LRP1B: variants seen among roughly 807,000 people sequenced by gnomAD.
LRP1B encodes the protein low-density lipoprotein receptor-related protein 1B.
LRP1B carries 217 observed loss-of-function variants against 556.6 expected under a neutral mutation model. The ratio of observed to expected loss-of-function variants is 0.39; its 90% CI spans 0.35 to 0.44. The LOEUF (loss-of-function observed/expected upper bound fraction) is 0.44. Among genes scored for constraint, LRP1B ranks in the 20% least tolerant of loss-of-function variants. The probability of loss-of-function intolerance (pLI) is 1.00; values close to 1 mark genes in which losing one functional copy is unlikely to be tolerated. For synonymous variants in LRP1B, 2,047 were observed against 1,865.8 expected, an observed-to-expected ratio of 1.10 and a Z score of -2.50; for missense variants, 5,053 against 5,620.8, an observed-to-expected ratio of 0.90 and a Z score of 3.23.
At chr2:141,619,806 C>T (rs1394036404) in intron 2 of LRP1B, among the ~76,000 whole-genome samples, 1 of 151,840 alleles carries the variant, frequency 6.6e-6, no homozygotes, top group Non-Finnish European at 1.5e-5. Flanking sequence ...TTATTTATCT[C>T]TTAAGGAAGC....
At chr2:141,371,000 TGAGATG>T (rs1029655569) in intron 3 of LRP1B, among the ~76,000 whole-genome samples, 7 of 152,182 alleles carry the variant, frequency 4.6e-5, no homozygotes, top group Non-Finnish European at 8.8e-5. Flanking sequence ...TTCTTTCTTT[TGAGATG>T]GAGTTTCGCT....
intron 35 of LRP1B, among the ~76,000 whole-genome samples, chr2:140,742,445 A>G (rs1490166433): frequency 1.3e-5 from 2 of 152,224 alleles, no homozygotes; most frequent in African/African-American, 2.4e-5. Flanking sequence ...AATAAATAGT[A>G]GTGAGATATA....
intron 1 of LRP1B, among the ~76,000 whole-genome samples, chr2:141,850,622 C>CTGTGTGTGTGTGTGTG (rs70994458): frequency 1.7e-3 from 236 of 141,172 alleles, no homozygotes; most frequent in African/African-American, 5.3e-3. Context: ...AGCATAAACT[C>CTGTGTGTGTGTGTGTG]TGTGTGTGTG....
intron 84 of LRP1B, among the ~76,000 whole-genome samples, chr2:140,285,412 T>G (rs147742950): frequency 0.016 from 2,398 of 150,278 alleles, 23 homozygotes; most frequent in African/African-American, 0.028. Context: ...GAGAGAGAGA[T>G]ATTTCTACAC....
intron 1 of LRP1B, among the ~76,000 whole-genome samples, chr2:141,948,063 C>T (rs575580103): frequency 2.0e-5 from 3 of 152,048 alleles, no homozygotes; most frequent in South Asian, 4.2e-4. Context: ...TTTGTGAGGC[C>T]GCCGTGGGCA....
intron 41 of LRP1B, among the ~76,000 whole-genome samples, chr2:140,635,631 C>A (rs1040473151): frequency 2.0e-5 from 3 of 151,882 alleles, no homozygotes. Context: ...ATTGGTTCAT[C>A]TGTACTCTGA....
At chr2:140,876,759 T>C (rs1025142351) in intron 25 of LRP1B, among the ~76,000 whole-genome samples, 30 of 152,298 alleles carry the variant, frequency 2.0e-4, no homozygotes, top group East Asian at 5.8e-4. Context: ...ATTCCTTCTA[T>C]GGAACAAAAT....
In LRP1B at chr2:141,143,221, A is replaced by T. The variant is rs567603714; in HGVS notation, c.1013+45200T>A. Among the ~76,000 whole-genome samples, 17 of 152,086 alleles carry T rather than the reference A, an allele frequency of 1.1e-4. No individual in the cohort carries two copies. In the South Asian group the frequency reaches 3.5e-3, roughly 32 times the overall value. On this transcript the variant is annotated intron_variant, in intron 7 of 90. Coordinates refer to ENST00000389484, the MANE Select transcript of LRP1B (RefSeq NM_018557.3). Reference sequence around the variant, plus strand: ...TGGGATTACAGGCGTGAGCCACCGCACCCAGAGATCATCTGATTCTTTATC... The same window carrying T: ...TGGGATTACAGGCGTGAGCCACCGCTCCCAGAGATCATCTGATTCTTTATC...
chr2:141,977,239 ATGTT>A (rs1405776867), intron 1 of LRP1B, among the ~76,000 whole-genome samples: 2 of 152,114 alleles, frequency 1.3e-5, no homozygotes, highest in Non-Finnish European at 2.9e-5. Context: ...ATATTCATTT[ATGTT>A]TACTAGCATC....
At chr2:141,198,996 A>G (rs1367134652) in intron 6 of LRP1B, among the ~76,000 whole-genome samples, 1 of 152,164 alleles carries the variant, frequency 6.6e-6, no homozygotes, top group Non-Finnish European at 1.5e-5. Flanking sequence ...AATAGTTTCT[A>G]TAACTGCTCT....
intron 67 of LRP1B, among the ~76,000 whole-genome samples, chr2:140,379,997 A>G (rs1187281662): frequency 6.6e-6 from 1 of 152,144 alleles, no homozygotes; most frequent in African/African-American, 2.4e-5. Context: ...TAATACTAAT[A>G]TTTATTATAA....
At chr2:140,250,943 C>T (rs775244414) in intron 86 of LRP1B, among the ~76,000 whole-genome samples, 1 of 151,352 alleles carries the variant, frequency 6.6e-6, no homozygotes, top group South Asian at 2.1e-4. Context: ...AAATAAGCTA[C>T]GTAGAAGTTC....
intron 7 of LRP1B, among the ~76,000 whole-genome samples, chr2:141,131,166 A>AG (rs536707417): frequency 0.034 from 5,171 of 152,078 alleles, 32 homozygotes; most frequent in East Asian, 0.15. Context: ...TAGTACAGAT[A>AG]GTCTCCACTT....
At chr2:140,733,409 G>A (rs1006618283) in intron 35 of LRP1B, among the ~76,000 whole-genome samples, 1 of 152,074 alleles carries the variant, frequency 6.6e-6, no homozygotes, top group Non-Finnish European at 1.5e-5. Context: ...AGAAAGCTGT[G>A]TATAAGAAAG....
intron 7 of LRP1B, among the ~76,000 whole-genome samples, chr2:141,179,465 A>G (rs781682329): frequency 9.9e-5 from 15 of 152,184 alleles, no homozygotes; most frequent in Non-Finnish European, 1.6e-4. Flanking sequence ...ATGAAGATCA[A>G]TCGCAATGGC....
chr2:142,098,081 T>C (rs1261798980), intron 1 of LRP1B, among the ~76,000 whole-genome samples: 1 of 151,762 alleles, frequency 6.6e-6, no homozygotes, highest in Non-Finnish European at 1.5e-5. Flanking sequence ...TACAGACCTC[T>C]AATAATGCCA....
chr2:141,414,327 G>A (rs552225947), intron 3 of LRP1B, among the ~76,000 whole-genome samples: 1 of 146,118 alleles, frequency 6.8e-6, no homozygotes, highest in African/African-American at 2.5e-5. Context: ...AAGAGATAAA[G>A]AGAGAAAGAG....
At chr2:141,164,722 G>C (rs912056474) in intron 7 of LRP1B, among the ~76,000 whole-genome samples, 3 of 151,894 alleles carry the variant, frequency 2.0e-5, no homozygotes, top group African/African-American at 7.2e-5. Context: ...TCCAAATGTG[G>C]GGAAGCAGTT....
intron 66 of LRP1B, among the ~76,000 whole-genome samples, chr2:140,414,819 C>T (rs770761668): frequency 1.3e-5 from 2 of 152,098 alleles, no homozygotes; most frequent in South Asian, 2.1e-4. Flanking sequence ...AGAATAACAG[C>T]GATCTTTAGG....
Sources: gnomAD v4.1 joint callset for allele counts (sites outside exome capture counted in the v4.1 genomes callset) on GRCh38, gnomAD v4.1.1 for gene constraint, MANE v1.5 for transcripts, NCBI Gene and HGNC (gene_info 2026-07-23, HGNC 2026-07-21) for gene names.